The following ANKRD36 variants were observed in gnomAD, a reference collection of about 807,000 sequenced individuals.
ANKRD36 encodes ankyrin repeat domain-containing protein 36A.
ANKRD36 carries 179 observed loss-of-function variants against 278.1 expected under a neutral mutation model. That is an observed-to-expected ratio of 0.64 (90% CI 0.57 to 0.73). The LOEUF (loss-of-function observed/expected upper bound fraction) is 0.73. ANKRD36 is among the 30% of genes least tolerant of loss of function. The pLI is 0.00. For missense variants in ANKRD36, 1,159 were observed against 1,956.7 expected, an observed-to-expected ratio of 0.59 and a Z score of 7.69; for synonymous variants, 320 against 641.1, an observed-to-expected ratio of 0.50 and a Z score of 7.57.
At chr2:97,171,085 AC>A (rs2052341337) in intron 22 of ANKRD36, among the ~76,000 whole-genome samples, 3 of 144,492 alleles carry the variant, frequency 2.1e-5, no homozygotes, top group Non-Finnish European at 4.6e-5. Flanking sequence ...AAATAGGAAC[AC>A]TTTTACACTG....
chr2:97,194,424 A>G (rs1575620986), intron 38 of ANKRD36, among the ~76,000 whole-genome samples: 2 of 151,762 alleles, frequency 1.3e-5, no homozygotes, highest in East Asian at 3.9e-4. Context: ...CTCTGATTTT[A>G]GATCACATTT....
At chr2:97,201,394 G>A (rs1279722491) in intron 46 of ANKRD36, among the ~76,000 whole-genome samples, 1 of 151,884 alleles carries the variant, frequency 6.6e-6, no homozygotes, top group Non-Finnish European at 1.5e-5. Context: ...TTAAGTCCTA[G>A]AGTGATCATT....
chr2:97,115,312 AAGAT>A (rs1207254045), intron 1 of ANKRD36, among the ~76,000 whole-genome samples: 1 of 152,124 alleles, frequency 6.6e-6, no homozygotes, highest in Non-Finnish European at 1.5e-5. Flanking sequence ...CAAAATAAGA[AAGAT>A]AACAGAAAAA....
intron 50 of ANKRD36, among the ~76,000 whole-genome samples, chr2:97,204,547 T>C: frequency 6.6e-6 from 1 of 151,332 alleles, no homozygotes; most frequent in African/African-American, 2.4e-5. Flanking sequence ...TTTGCTTTAA[T>C]TCTCCAGCTT....
intron 67 of ANKRD36, among the ~76,000 whole-genome samples, chr2:97,228,570 A>G (rs1218052784): frequency 6.6e-6 from 1 of 151,752 alleles, no homozygotes; most frequent in Non-Finnish European, 1.5e-5. Context: ...AATTTTGTTG[A>G]TCCTTTCAAA....
At chr2:97,218,715 C>T (rs1352507030) in intron 64 of ANKRD36, among the ~76,000 whole-genome samples, 1 of 152,126 alleles carries the variant, frequency 6.6e-6, no homozygotes, top group African/African-American at 2.4e-5. Flanking sequence ...AGCTTTTACA[C>T]TTATTTCTAG....
intron 38 of ANKRD36, 125 bp from the exon 39 acceptor site, chr2:97,194,601 A>G: frequency 6.5e-7 from 1 of 1,535,650 alleles, no homozygotes; most frequent in Non-Finnish European, 8.8e-7. Flanking sequence ...GACAGAAAGT[A>G]GAAGCCATCA....
chr2:97,136,545 C>T (rs1026154944), intron 6 of ANKRD36, among the ~76,000 whole-genome samples: 1 of 151,898 alleles, frequency 6.6e-6, no homozygotes, highest in African/African-American at 2.4e-5. Flanking sequence ...TGGTACTGAG[C>T]CCTCAAAATG....
rs537681163 is a variant in ANKRD36, at chr2:97,210,581, T to C, written c.3367+709T>C. Among the ~76,000 whole-genome samples the C allele has an allele frequency of 2.6e-5, 4 of 151,946 alleles. No homozygotes were observed. In the East Asian group the frequency reaches 7.9e-4, roughly 30 times the overall value. On this transcript the variant is annotated intron_variant, in intron 56 of 75. Coordinates refer to ENST00000420699, the MANE Select transcript of ANKRD36 (RefSeq NM_001354587.1). The stretch of plus-strand genomic sequence containing the variant: ...GTTTTGTTGATTTTAGTTATAAAAA[T>C]GAGATAATCTTGAATATGAATAAAT...
At chr2:97,195,911 G>A (rs1252520736) in intron 40 of ANKRD36, among the ~76,000 whole-genome samples, 5 of 151,898 alleles carry the variant, frequency 3.3e-5, no homozygotes, top group African/African-American at 9.7e-5. Flanking sequence ...TTTTTATTGA[G>A]GCTAATATAT....
At chr2:97,197,978 A>T (rs1199303957) in intron 42 of ANKRD36, among the ~76,000 whole-genome samples, 3 of 151,896 alleles carry the variant, frequency 2.0e-5, no homozygotes, top group Non-Finnish European at 4.4e-5. Flanking sequence ...TGTGAAGTGT[A>T]CTTCAACTGA....
At chr2:97,145,684 T>C (rs1270546659) in intron 10 of ANKRD36, among the ~76,000 whole-genome samples, 1 of 152,076 alleles carries the variant, frequency 6.6e-6, no homozygotes, top group Non-Finnish European at 1.5e-5. Context: ...GTATATCAAA[T>C]TTGATAATTT....
chr2:97,158,502 A>C, intron 16 of ANKRD36, 86 bp from the exon 17 acceptor site: 1 of 1,428,050 alleles, frequency 7.0e-7, no homozygotes, highest in Non-Finnish European at 9.5e-7. Context: ...GCTGGGATTA[A>C]AGCTGTGAGC....
chr2:97,222,088 T>C (rs562366308), intron 66 of ANKRD36, among the ~76,000 whole-genome samples: 3 of 151,908 alleles, frequency 2.0e-5, no homozygotes, highest in Non-Finnish European at 4.4e-5. Context: ...CAGATAGTTA[T>C]AGATATGTGG....
intron 44 of ANKRD36, among the ~76,000 whole-genome samples, chr2:97,199,639 T>C (rs2060749349): frequency 6.6e-6 from 1 of 151,934 alleles, no homozygotes. Flanking sequence ...TAATTGATGA[T>C]ATTTTTATTG....
At chr2:97,198,320 A>G (rs2060373907) in intron 42 of ANKRD36, 143 bp from the exon 43 acceptor site, 1 of 1,495,308 alleles carries the variant, frequency 6.7e-7, no homozygotes, top group South Asian at 1.2e-5. Context: ...GTCACGTTCT[A>G]GTCCCCAGAC....
chr2:97,243,133 C>T (rs1368244993), intron 69 of ANKRD36, among the ~76,000 whole-genome samples: 2 of 140,348 alleles, frequency 1.4e-5, no homozygotes, highest in African/African-American at 4.9e-5. Context: ...ACCGTGGCCC[C>T]CGACACAGCC....
rs764231659 is a variant in ANKRD36, at chr2:97,118,358, G to A, written c.327G>A (p.Arg109=). The A allele has an allele frequency of 1.2e-6, 2 of 1,610,208 alleles. No homozygotes were observed. The highest frequency in any genetic ancestry group is 1.7e-4 in the Middle Eastern group (1 of 5,868). Residue 109 remains arginine (R), a synonymous_variant, in exon 3 of 76, where the codon AGG becomes AGA. Coordinates refer to ENST00000420699, the MANE Select transcript of ANKRD36 (RefSeq NM_001354587.1). ...AATACTGACAGGCTGTACAACTGAG[G>A]CAGGAGGCTTGTGCAACTCTTCTGC... The part of the protein sequence containing the change: ...RTPLIKAVQL[R]QEACATLLLQ...
chr2:97,147,068 A>C (rs2044457591), intron 11 of ANKRD36, among the ~76,000 whole-genome samples: 2 of 151,892 alleles, frequency 1.3e-5, no homozygotes. Context: ...GTTTTTTGTA[A>C]GCAAGACTAG....
Sources: allele counts gnomAD v4.1 joint callset (sites outside exome capture counted in the v4.1 genomes callset), GRCh38; gene constraint gnomAD v4.1.1; transcripts MANE v1.5; gene names NCBI Gene and HGNC (gene_info 2026-07-23, HGNC 2026-07-21).